The following SNHG17 variants were observed in gnomAD, a reference collection of about 807,000 sequenced individuals.
SNHG17 encodes the protein small nucleolar RNA host gene 17, also known as small nucleolar RNA host gene 17 (non-protein coding).
chr20:38,426,995 T>TACACATACAC (rs1555851342), intron 3 of SNHG17, among the ~76,000 whole-genome samples: 2 of 125,580 alleles, frequency 1.6e-5, no homozygotes, highest in African/African-American at 5.7e-5. Context: ...AAGTTACACA[T>TACACATACAC]ACACACACAC....
intron 2 of SNHG17, among the ~76,000 whole-genome samples, chr20:38,432,563 C>T (rs371450339): frequency 4.6e-5 from 7 of 152,266 alleles, no homozygotes; most frequent in East Asian, 1.9e-4. Context: ...CGGACAAGAC[C>T]GTCAAAGAGA....
chr20:38,430,282 T>C (rs1600765444), intron 3 of SNHG17, among the ~76,000 whole-genome samples: 1 of 150,218 alleles, frequency 6.7e-6, no homozygotes, highest in Non-Finnish European at 1.5e-5. Context: ...GATCACGCCA[T>C]TGCACTCCAG....
At chr20:38,425,038 C>CTG (rs1343422226) in intron 5 of SNHG17, 4 of 337,360 alleles carry the variant, frequency 1.2e-5, no homozygotes, top group Non-Finnish European at 2.4e-5. Context: ...CACTAGACTG[C>CTG]TGACTGCCCT....
chr20:38,420,877 GC>G (rs1231911229), exon 8 of SNHG17: 1 of 152,162 alleles, frequency 6.6e-6, no homozygotes. Context: ...CCCCTCTCGT[GC>G]CCACAAACAC....
chr20:38,426,966 G>A (rs1180182318), intron 3 of SNHG17, among the ~76,000 whole-genome samples: 4 of 145,634 alleles, frequency 2.7e-5, no homozygotes, highest in Non-Finnish European at 6.0e-5. Context: ...ATGTAAAGAT[G>A]CTACCCTATC....
intron 5 of SNHG17, among the ~76,000 whole-genome samples, chr20:38,424,307 C>A (rs2084208533): frequency 6.6e-6 from 1 of 151,994 alleles, no homozygotes; most frequent in South Asian, 2.1e-4. Flanking sequence ...CCCGCACCTA[C>A]CATCTAGTGT....
intron 2 of SNHG17, among the ~76,000 whole-genome samples, chr20:38,431,585 G>C (rs1464513632): frequency 1.3e-5 from 2 of 152,216 alleles, no homozygotes; most frequent in Non-Finnish European, 2.9e-5. Flanking sequence ...AAAGCTGGCA[G>C]ACTTCTTCGG....
rs576349768 is a variant in SNHG17 at position 38,424,284 on chromosome 20, G to C, written n.579+1651C>G. On this transcript the variant is annotated intron_variant and non_coding_transcript_variant, in intron 5 of 8. Coordinates refer to ENST00000654008, the Ensembl canonical transcript of SNHG17. ...GACCTGGGATGGGTAATGAACAGGT[G>C]GGGTGGGAGAGCCCCGCACCTACCA... 5.3e-5 allele frequency among the ~76,000 whole-genome samples: 8 copies of C among 152,176 alleles called. No homozygotes were observed. The East Asian group carries it at 1.5e-3, about 29-fold the overall frequency.
intron 5 of SNHG17, chr20:38,425,233 T>C (rs769476469): frequency 1.9e-6 from 1 of 518,676 alleles, no homozygotes; most frequent in Non-Finnish European, 3.8e-6. Context: ...GGGATAGGAG[T>C]GGACCCTTCA....
intron 1 of SNHG17, chr20:38,434,853 G>A (rs2084404922): frequency 1.0e-6 from 1 of 985,348 alleles, no homozygotes; most frequent in African/African-American, 1.7e-5. Flanking sequence ...CAACAGTCAA[G>A]TGGCTTTGGA....
At chr20:38,429,720 CG>C (rs771532903) in intron 3 of SNHG17, 42 of 511,538 alleles carry the variant, frequency 8.2e-5, no homozygotes, top group South Asian at 5.9e-4. Flanking sequence ...CCTCCAAACA[CG>C]GGGAAGTGCT....
intron 2 of SNHG17, chr20:38,433,954 A>G (rs1316239335): frequency 7.7e-6 from 4 of 519,118 alleles, no homozygotes; most frequent in Admixed American, 5.8e-5. Flanking sequence ...CTGCACTATC[A>G]ATGACCAGGG....
At chr20:38,428,338 C>G (rs1024096158) in intron 3 of SNHG17, 1 of 152,230 alleles carries the variant, frequency 6.6e-6, no homozygotes, top group Non-Finnish European at 1.5e-5. Flanking sequence ...ATCCATAGGA[C>G]ATGGCTCCTC....
At chr20:38,435,126 G>T (rs1202812943) in intron 1 of SNHG17, 1 of 1,232,182 alleles carries the variant, frequency 8.1e-7, no homozygotes, top group Non-Finnish European at 1.0e-6. Flanking sequence ...CTCTCTGGCC[G>T]CCTTCCCCGG....
intron 5 of SNHG17, chr20:38,425,116 G>A (rs758220648): frequency 1.7e-4 from 75 of 444,380 alleles, no homozygotes; most frequent in Non-Finnish European, 3.2e-4. Flanking sequence ...GTTGAACCTG[G>A]TGCCATCCCT....
At position 38,435,299 on chromosome 20, in the gene SNHG17, G is replaced by C. The variant is rs1243821479; in HGVS notation, n.83C>G. 2.4e-6 allele frequency: 3 copies of C among 1,231,598 alleles called. No individual in the cohort carries two copies. The African/African-American group carries it at 4.6e-5, about 19-fold the overall frequency. The allele number at this position is 1,231,598 out of a possible 1,614,324, so 76.3% of individuals were successfully genotyped here. On this transcript the variant is annotated non_coding_transcript_exon_variant, in exon 1 of 9. Transcript: ENST00000654008. ...AGATGGGGTGCGGTGGCGTGCGATG[G>C]CGAAGGACGGCGAGGGACGGCGAAG...
chr20:38,424,243 G>A (rs1198164438), intron 5 of SNHG17, among the ~76,000 whole-genome samples: 1 of 151,972 alleles, frequency 6.6e-6, no homozygotes, highest in African/African-American at 2.4e-5. Flanking sequence ...GGCCATGCCT[G>A]GCAGTGATCA....
chr20:38,426,989 T>TAC (rs764575761), intron 3 of SNHG17, among the ~76,000 whole-genome samples: 10 of 112,682 alleles, frequency 8.9e-5, no homozygotes, highest in African/African-American at 1.5e-4. Flanking sequence ...GTCCCCAAGT[T>TAC]ACACATACAC....
rs566872765 is a variant in SNHG17, at chr20:38,427,768, T to C, written n.381-1265A>G. The stretch of plus-strand genomic sequence containing the variant: ...GGGAACTTGGCTCTCGGGATGTTCC[T>C]AGTCAACAGTTTACTGATCAGAACC... On this transcript the variant is annotated intron_variant and non_coding_transcript_variant, in intron 3 of 8. Coordinates refer to ENST00000654008, the Ensembl canonical transcript of SNHG17. 2.0e-4 allele frequency: 33 copies of C among 164,626 alleles called. No homozygotes were observed. The South Asian group carries it at 5.3e-3, about 26-fold the overall frequency. The allele number at this position is 164,626 out of a possible 1,614,324, so 10.2% of individuals were successfully genotyped here.
Sources: gnomAD v4.1 joint callset for allele counts (sites outside exome capture counted in the v4.1 genomes callset) on GRCh38, gnomAD v4.1.1 for gene constraint, MANE v1.5 for transcripts, NCBI Gene and HGNC (gene_info 2026-07-23, HGNC 2026-07-21) for gene names.